Variants in MAP4 observed in about 807,000 individuals in gnomAD.
MAP4 encodes microtubule-associated protein 4.
MAP4 carries 76 observed loss-of-function variants against 170.2 expected under a neutral mutation model. The observed-to-expected ratio is 0.45, with a 90% CI of 0.37 to 0.54. The LOEUF (loss-of-function observed/expected upper bound fraction) is 0.54. MAP4 is among the 20% of genes least tolerant of loss of function. The probability of loss-of-function intolerance (pLI) is 0.00; values close to 1 mark genes in which losing one functional copy is unlikely to be tolerated. For missense variants in MAP4, 2,506 were observed against 2,748.0 expected (o/e 0.91, Z 1.97); for synonymous variants, 909 against 994.5 (o/e 0.91, Z 1.62).
At chr3:48,084,000 C>T (rs2100147848) in intron 1 of MAP4, among the ~76,000 whole-genome samples, 1 of 152,064 alleles carries the variant, frequency 6.6e-6, no homozygotes, top group South Asian at 2.1e-4. Flanking sequence ...GCTGGGATTA[C>T]AGGCATGAGC....
At chr3:47,859,033 G>T (rs1576647640) in intron 17 of MAP4, among the ~76,000 whole-genome samples, 1 of 152,258 alleles carries the variant, frequency 6.6e-6, no homozygotes, top group Non-Finnish European at 1.5e-5. Flanking sequence ...GGAGGCTGAG[G>T]CAGGAGAATG....
chr3:48,048,083 T>G (rs2154545879), intron 1 of MAP4, among the ~76,000 whole-genome samples: 1 of 152,262 alleles, frequency 6.6e-6, no homozygotes, highest in East Asian at 1.9e-4. Flanking sequence ...GCCACTGTAC[T>G]GGGCAATGTA....
chr3:47,988,635 G>C (rs984370534), intron 2 of MAP4, among the ~76,000 whole-genome samples: 1 of 152,042 alleles, frequency 6.6e-6, no homozygotes, highest in African/African-American at 2.4e-5. Flanking sequence ...CCCTCAGTTT[G>C]TGCTCTGTAT....
chr3:47,957,134 C>A (rs888736387), intron 3 of MAP4, among the ~76,000 whole-genome samples: 2 of 152,124 alleles, frequency 1.3e-5, no homozygotes, highest in African/African-American at 4.8e-5. Flanking sequence ...TATATAAGTG[C>A]CCAATCTACC....
chr3:47,923,316 T>C (rs2100044024), intron 4 of MAP4, among the ~76,000 whole-genome samples: 1 of 151,656 alleles, frequency 6.6e-6, no homozygotes, highest in East Asian at 1.9e-4. Flanking sequence ...GAGGCAGCTA[T>C]ACCACCCTCT....
intron 1 of MAP4, among the ~76,000 whole-genome samples, chr3:48,056,460 G>A (rs2100131696): frequency 1.2e-5 from 1 of 83,112 alleles, no homozygotes; most frequent in African/African-American, 4.9e-5. Context: ...CCCCCCGCCT[G>A]GCCAGCCGCC....
At chr3:47,946,935 A>G (rs1440303942) in intron 3 of MAP4, among the ~76,000 whole-genome samples, 1 of 152,206 alleles carries the variant, frequency 6.6e-6, no homozygotes, top group Non-Finnish European at 1.5e-5. Context: ...ATCAAAATCA[A>G]CTGTGGCAGA....
At position 48,031,806 on chromosome 3, in the gene MAP4, G is replaced by A. The variant is rs534515958; in HGVS notation, c.-19-32927C>T. Among the ~76,000 whole-genome samples, 18 of 152,218 alleles carry A rather than the reference G, an allele frequency of 1.2e-4. No individual in the cohort carries two copies. The East Asian group carries it at 3.1e-3, about 26-fold the overall frequency. On this transcript the variant is annotated intron_variant, in intron 1 of 18. Transcript: ENST00000360240. ...GCTGAGTTGAGAGGAAGCTTGAGTC[G>A]AGTCCAGGAGGTTCCAGTGAACTGT...
chr3:47,983,133 G>A (rs1366247679), intron 2 of MAP4, among the ~76,000 whole-genome samples: 4 of 152,112 alleles, frequency 2.6e-5, no homozygotes, highest in Non-Finnish European at 5.9e-5. Flanking sequence ...TCAAACTCCC[G>A]ACCTCAAGTG....
intron 10 of MAP4, among the ~76,000 whole-genome samples, chr3:47,897,179 T>C (rs562458917): frequency 2.1e-4 from 32 of 152,260 alleles, no homozygotes; most frequent in Non-Finnish European, 3.8e-4. Flanking sequence ...CAGGCTGGAG[T>C]GCAGTGGCAT....
intron 1 of MAP4, among the ~76,000 whole-genome samples, chr3:48,088,380 G>C (rs2100150497): frequency 6.6e-6 from 1 of 152,036 alleles, no homozygotes; most frequent in Non-Finnish European, 1.5e-5. Flanking sequence ...CAAAGCCTCA[G>C]AAAACGACCC....
intron 7 of MAP4, among the ~76,000 whole-genome samples, chr3:47,915,744 A>C (rs2100038404): frequency 6.6e-6 from 1 of 152,204 alleles, no homozygotes; most frequent in Admixed American, 6.5e-5. Flanking sequence ...AAAACAGGAC[A>C]ATCAGCAGAG....
intron 3 of MAP4, chr3:47,975,117 G>T: frequency 9.2e-7 from 1 of 1,082,806 alleles, no homozygotes; most frequent in African/African-American, 1.6e-5. Flanking sequence ...GGAAAAAAAT[G>T]TGAGAATGAA....
intron 2 of MAP4, among the ~76,000 whole-genome samples, chr3:47,995,927 T>TAA (rs1435973579): frequency 6.6e-6 from 1 of 152,046 alleles, no homozygotes; most frequent in Non-Finnish European, 1.5e-5. Context: ...TTGTCAAAGG[T>TAA]AAATGAAGGC....
chr3:47,992,903 T>TAA (rs79093019), intron 2 of MAP4, among the ~76,000 whole-genome samples: 25 of 117,786 alleles, frequency 2.1e-4, no homozygotes, highest in African/African-American at 5.6e-4. Context: ...CACTCCATCT[T>TAA]AAAAAAAAAA....
intron 1 of MAP4, among the ~76,000 whole-genome samples, chr3:48,060,261 T>C (rs1459213789): frequency 6.6e-6 from 1 of 152,090 alleles, no homozygotes; most frequent in African/African-American, 2.4e-5. Context: ...CTCATGCCTG[T>C]AAATGGTACA....
In MAP4 at chr3:47,946,654, C is replaced by CAAAAA. The variant is rs11427271; in HGVS notation, c.293-18309_293-18305dup. Among the ~76,000 whole-genome samples, 116 of 40,602 alleles carry CAAAAA rather than the reference C, an allele frequency of 2.9e-3. 1 individual carries two copies. Among genetic ancestry groups the CAAAAA allele is most frequent in the East Asian group, 5.3e-3 (6 of 1,122 alleles). The allele number at this position is 40,602 out of a possible 152,430, so 26.6% of individuals were successfully genotyped here. On this transcript the variant is annotated intron_variant, in intron 3 of 20. Transcript: ENST00000683076. ...GGGTGACAAAGGTGAAACTCCGTCT[C>CAAAAA]AAAAAAAAAAAAAAAAAAAAAAAAA...
chr3:47,890,274 T>C (rs1207007910), intron 10 of MAP4, among the ~76,000 whole-genome samples: 1 of 152,082 alleles, frequency 6.6e-6, no homozygotes, highest in Non-Finnish European at 1.5e-5. Flanking sequence ...CAAAAGGCTG[T>C]CACAAAGACC....
chr3:47,904,575 T>G (rs183845066), intron 9 of MAP4, among the ~76,000 whole-genome samples: 18 of 149,970 alleles, frequency 1.2e-4, no homozygotes, highest in Admixed American at 1.1e-3. Flanking sequence ...GCCAGTGCTA[T>G]TATTATTAAC....
Sources: gnomAD v4.1 joint callset for allele counts (sites outside exome capture counted in the v4.1 genomes callset) on GRCh38, gnomAD v4.1.1 for gene constraint, MANE v1.5 for transcripts, NCBI Gene and HGNC (gene_info 2026-07-23, HGNC 2026-07-21) for gene names.